The following NDUFA8 variants were observed in gnomAD, a reference collection of about 807,000 sequenced individuals.
The protein encoded by NDUFA8 is NADH:ubiquinone oxidoreductase subunit A8, also known as NADH dehydrogenase [ubiquinone] 1 alpha subcomplex subunit 8.
In NDUFA8, 16 loss-of-function variants were observed where a neutral mutation model predicts 20.9. That is an observed-to-expected ratio of 0.77 (90% CI 0.52 to 1.16). The LOEUF (loss-of-function observed/expected upper bound fraction) is 1.16, where lower values mean the gene tolerates loss of function less well. NDUFA8 is among the 50% of genes most tolerant of loss of function. The probability of loss-of-function intolerance (pLI) is 0.00; values close to 1 mark genes in which losing one functional copy is unlikely to be tolerated. For missense variants in NDUFA8, 202 were observed against 216.4 expected, an observed-to-expected ratio of 0.93 and a Z score of 0.42; for synonymous variants, 70 against 76.1, an observed-to-expected ratio of 0.92 and a Z score of 0.41.
At chr9:122,145,679 CTAAGA>C (rs1828895068) in intron 3 of NDUFA8, among the ~76,000 whole-genome samples, 3 of 152,162 alleles carry the variant, frequency 2.0e-5, no homozygotes, top group Non-Finnish European at 2.9e-5. Context: ...GTTGGCATGC[CTAAGA>C]TAAGATACAC....
At chr9:122,139,177 C>A (rs993097061), downstream of NDUFA8, among the ~76,000 whole-genome samples, 5 of 152,286 alleles carry the variant, frequency 3.3e-5, no homozygotes, top group Admixed American at 6.5e-5. Flanking sequence ...TGAAGCACAG[C>A]GAGCCCTGCC....
chr9:122,154,349 T>C (rs1421333010), intron 1 of NDUFA8, among the ~76,000 whole-genome samples: 2 of 152,240 alleles, frequency 1.3e-5, no homozygotes, highest in Non-Finnish European at 2.9e-5. Flanking sequence ...CAACACAGTA[T>C]TTCTCTCCAT....
intron 1 of NDUFA8, among the ~76,000 whole-genome samples, chr9:122,155,512 T>C (rs1237786231): frequency 6.6e-6 from 1 of 152,258 alleles, no homozygotes; most frequent in Non-Finnish European, 1.5e-5. Flanking sequence ...AGTGCAACTG[T>C]TATAATTATC....
chr9:122,142,015 T>C (rs1288560175), downstream of NDUFA8, among the ~76,000 whole-genome samples: 1 of 152,126 alleles, frequency 6.6e-6, no homozygotes, highest in Non-Finnish European at 1.5e-5. Flanking sequence ...TCTAAAGAGG[T>C]GAATTAACAT....
downstream of NDUFA8, among the ~76,000 whole-genome samples, chr9:122,139,326 G>A (rs1828788206): frequency 7.0e-6 from 1 of 143,774 alleles, no homozygotes; most frequent in South Asian, 2.3e-4. Context: ...GTCCTTCTGT[G>A]GCCTGTCTTC....
chr9:122,151,388 T>C (rs1168087532), intron 2 of NDUFA8, among the ~76,000 whole-genome samples: 1 of 152,230 alleles, frequency 6.6e-6, no homozygotes, highest in African/African-American at 2.4e-5. Context: ...CAATGATATG[T>C]ATACGAAGTC....
chr9:122,142,676 T>C (rs1221343354), downstream of NDUFA8, among the ~76,000 whole-genome samples: 1 of 152,214 alleles, frequency 6.6e-6, no homozygotes, highest in Non-Finnish European at 1.5e-5. Context: ...TGACCTGTAG[T>C]ACCTCGTTCA....
At chr9:122,147,444 T>C (rs1220295176) in intron 3 of NDUFA8, among the ~76,000 whole-genome samples, 1 of 152,170 alleles carries the variant, frequency 6.6e-6, no homozygotes, top group Non-Finnish European at 1.5e-5. Flanking sequence ...GATATGTTCC[T>C]GAAAAATGTG....
intron 3 of NDUFA8, among the ~76,000 whole-genome samples, chr9:122,146,418 TTTTA>T (rs1359314666): frequency 6.6e-6 from 1 of 152,222 alleles, no homozygotes; most frequent in African/African-American, 2.4e-5. Flanking sequence ...GAAAAGGTAG[TTTTA>T]TTTGTTACAT....
At chr9:122,138,561 A>G in the NDUFA8 span, among the ~76,000 whole-genome samples, 34 of 152,112 alleles carry the variant, frequency 2.2e-4, no homozygotes, top group African/African-American at 8.0e-4. Context: ...TATAGACCTG[A>G]TATACATTGA....
chr9:122,139,841 G>T (rs988290609), downstream of NDUFA8, among the ~76,000 whole-genome samples: 3 of 152,144 alleles, frequency 2.0e-5, no homozygotes, highest in Admixed American at 6.5e-5. Context: ...TTACAGGTAC[G>T]TACCACTACG....
intron 3 of NDUFA8, among the ~76,000 whole-genome samples, chr9:122,145,393 G>C (rs1195109749): frequency 1.3e-5 from 2 of 152,188 alleles, no homozygotes; most frequent in Admixed American, 1.3e-4. Context: ...CAACTGGAAA[G>C]CCAGCAGAAA....
At chr9:122,155,195 C>T (rs1829060067) in intron 1 of NDUFA8, among the ~76,000 whole-genome samples, 1 of 152,208 alleles carries the variant, frequency 6.6e-6, no homozygotes, top group South Asian at 2.1e-4. Flanking sequence ...TCTCCTGCCT[C>T]AGCCTTCCTG....
Position 122,152,424 on chromosome 9 carries a change from T to C in NDUFA8, c.52-16A>G, listed in dbSNP as rs754137116. ...TAATTTTCACCTAGGAAAGGAAAGATGGGACAAAGGCCACAGACTGTGAAC... is the reference window on the plus strand; with the variant it reads ...TAATTTTCACCTAGGAAAGGAAAGACGGGACAAAGGCCACAGACTGTGAAC... On this transcript the variant is annotated splice_polypyrimidine_tract_variant and intron_variant, in intron 1 of 3. Coordinates refer to ENST00000373768, the MANE Select transcript of NDUFA8 (RefSeq NM_014222.3). The C allele has an allele frequency of 8.1e-6, 13 of 1,613,786 alleles. No individual in the cohort carries two copies. The South Asian group carries it at 1.4e-4, about 18-fold the overall frequency.
chr9:122,145,987 A>C (rs1438077591), intron 3 of NDUFA8, among the ~76,000 whole-genome samples: 2 of 151,820 alleles, frequency 1.3e-5, no homozygotes, highest in Middle Eastern at 3.4e-3. Context: ...CTTCTCTACT[A>C]AAAATACAAA....
chr9:122,159,312 C>T (rs1006184866), intron 1 of NDUFA8, among the ~76,000 whole-genome samples: 1 of 152,190 alleles, frequency 6.6e-6, no homozygotes, highest in Non-Finnish European at 1.5e-5. Flanking sequence ...GATTAAGCGA[C>T]ATAAGCTAAG....
At chr9:122,154,890 A>C (rs1029348491) in intron 1 of NDUFA8, among the ~76,000 whole-genome samples, 4 of 152,198 alleles carry the variant, frequency 2.6e-5, no homozygotes, top group Non-Finnish European at 5.9e-5. Flanking sequence ...AAAGACTAAA[A>C]TTTTTAGGCT....
chr9:122,158,651 TTGTG>T (rs372354228), intron 1 of NDUFA8, among the ~76,000 whole-genome samples: 1 of 149,930 alleles, frequency 6.7e-6, no homozygotes, highest in Non-Finnish European at 1.5e-5. Context: ...CTACGACCAA[TTGTG>T]TGTGTGTGTG....
chr9:122,158,455 C>T (rs1829112741), intron 1 of NDUFA8, among the ~76,000 whole-genome samples: 1 of 152,098 alleles, frequency 6.6e-6, no homozygotes, highest in Non-Finnish European at 1.5e-5. Flanking sequence ...TCAAACTGTA[C>T]TTGGCTCCCT....
Sources: allele counts gnomAD v4.1 joint callset (sites outside exome capture counted in the v4.1 genomes callset), GRCh38; gene constraint gnomAD v4.1.1; transcripts MANE v1.5; gene names NCBI Gene and HGNC (gene_info 2026-07-23, HGNC 2026-07-21).